MINDY4B: variants seen among roughly 807,000 people sequenced by gnomAD.
MINDY4B encodes the protein MINDY family member 4B.
In MINDY4B, 25 loss-of-function variants were observed where a neutral mutation model predicts 16.7. That is an observed-to-expected ratio of 1.49 (90% CI 1.09 to 2.09). The LOEUF is 2.09. Among genes scored for constraint, MINDY4B ranks in the 30% most tolerant of loss-of-function variants. MINDY4B has a pLI of 0.00. For missense variants in MINDY4B, 327 were observed against 168.4 expected, an observed-to-expected ratio of 1.94 and a Z score of -5.21; for synonymous variants, 132 against 61.9, an observed-to-expected ratio of 2.13 and a Z score of -5.32.
intron 10 of MINDY4B, 136 bp downstream of exon 10, chr3:150,882,761 G>A (rs1451435574): frequency 6.9e-6 from 3 of 431,960 alleles, no homozygotes; most frequent in Non-Finnish European, 1.2e-5. Flanking sequence ...ATGTCTGTGT[G>A]TGGCAGGAGG....
chr3:150,871,675 C>G (rs749858247), intron 11 of MINDY4B, among the ~76,000 whole-genome samples: 3 of 152,066 alleles, frequency 2.0e-5, no homozygotes, highest in Non-Finnish European at 2.9e-5. Context: ...ATGGTGAAAC[C>G]CTGTCTCTAC....
intron 10 of MINDY4B, among the ~76,000 whole-genome samples, chr3:150,880,837 A>G (rs1351633021): frequency 6.6e-6 from 1 of 152,210 alleles, no homozygotes; most frequent in Non-Finnish European, 1.5e-5. Context: ...TCTTATAGCT[A>G]TAGAATGTTA....
intron 3 of MINDY4B, among the ~76,000 whole-genome samples, chr3:150,898,210 C>T (rs1175314254): frequency 2.0e-5 from 3 of 152,118 alleles, no homozygotes; most frequent in Non-Finnish European, 2.9e-5. Flanking sequence ...CATCTTGTGC[C>T]GTATGGAAGA....
intron 10 of MINDY4B, among the ~76,000 whole-genome samples, chr3:150,878,608 C>G (rs1436456088): frequency 2.6e-5 from 4 of 152,166 alleles, no homozygotes; most frequent in African/African-American, 9.7e-5. Flanking sequence ...AGTCACTTTT[C>G]AAAAAGATGG....
chr3:150,890,535 A>C (rs1711771031), intron 6 of MINDY4B, 150 bp from the exon 7 acceptor site: 4 of 490,886 alleles, frequency 8.1e-6, no homozygotes, highest in Non-Finnish European at 1.1e-5. Context: ...ATGCAAGGCC[A>C]TGCAAAACAT....
intron 3 of MINDY4B, among the ~76,000 whole-genome samples, chr3:150,897,480 G>A (rs1712006941): frequency 6.6e-6 from 1 of 152,118 alleles, no homozygotes; most frequent in Non-Finnish European, 1.5e-5. Flanking sequence ...CAAAGAGTGT[G>A]GACAAACGGA....
chr3:150,879,108 G>T (rs1489521473), intron 10 of MINDY4B, among the ~76,000 whole-genome samples: 1 of 152,266 alleles, frequency 6.6e-6, no homozygotes, highest in East Asian at 1.9e-4. Flanking sequence ...TGTTAAAAAC[G>T]AACCGAAAGC....
intron 10 of MINDY4B, among the ~76,000 whole-genome samples, chr3:150,880,698 T>A (rs1280689783): frequency 6.6e-6 from 1 of 152,194 alleles, no homozygotes; most frequent in Non-Finnish European, 1.5e-5. Context: ...TGAAATAATC[T>A]TATGAAAGAG....
chr3:150,890,577 C>T lies in MINDY4B; in HGVS notation c.688-192G>A, dbSNP rs549546398. 8.1e-6 allele frequency: 4 copies of T among 491,458 alleles called. No homozygotes were observed. In the South Asian group the frequency reaches 1.6e-4, roughly 20 times the overall value. 30.4% of individuals were successfully genotyped at this position (491,458 alleles called of 1,614,324 possible). On this transcript the variant is annotated intron_variant, in intron 6 of 11. Coordinates refer to ENST00000465419, the MANE Select transcript of MINDY4B (RefSeq NM_001351281.2). Reference sequence around the variant, plus strand: ...TGCAACTGGGTAGCTACCAGCATCACTTCTACATTCCTCAGTTTAAAATCA... The same window carrying T: ...TGCAACTGGGTAGCTACCAGCATCATTTCTACATTCCTCAGTTTAAAATCA...
intron 3 of MINDY4B, among the ~76,000 whole-genome samples, chr3:150,897,325 G>C (rs1481738851): frequency 3.8e-5 from 4 of 104,874 alleles, no homozygotes; most frequent in Admixed American, 9.8e-5. Flanking sequence ...CTGGAACTGT[G>C]TGTGTGTGTG....
intron 5 of MINDY4B, among the ~76,000 whole-genome samples, chr3:150,892,658 G>C (rs1280608355): frequency 6.6e-6 from 1 of 151,962 alleles, no homozygotes; most frequent in Non-Finnish European, 1.5e-5. Flanking sequence ...TTAAATAGGA[G>C]GATTGGCCGG....
chr3:150,893,451 T>C (rs1711871729), intron 4 of MINDY4B, 36 bp from the exon 5 acceptor site: 3 of 702,594 alleles, frequency 4.3e-6, no homozygotes, highest in Non-Finnish European at 7.8e-6. Context: ...GGTGAAGAAC[T>C]CTTGGAAATT....
intron 9 of MINDY4B, 30 bp downstream of exon 9, chr3:150,883,670 A>G (rs750028844): frequency 1.4e-6 from 1 of 701,872 alleles, no homozygotes; most frequent in Non-Finnish European, 2.6e-6. Context: ...TTCAGATTCT[A>G]CAATAGAAAG....
At chr3:150,898,457 A>C (rs1031776516) in intron 3 of MINDY4B, among the ~76,000 whole-genome samples, 2 of 152,240 alleles carry the variant, frequency 1.3e-5, no homozygotes, top group African/African-American at 4.8e-5. Context: ...GAGGGGCTGC[A>C]GTTCTCTCTG....
At position 150,893,381 on chromosome 3, in the gene MINDY4B, C is replaced by G. The variant is rs1559967861; in HGVS notation, c.464G>C (p.Gly155Ala). ...AAACAACAAGTATTTGATGATGGATCCTTGCACAGCCATCTGAATGCTTCG... is the reference window on the plus strand; with the variant it reads ...AAACAACAAGTATTTGATGATGGATGCTTGCACAGCCATCTGAATGCTTCG... ...GARSIQMAVQ[G>A]SIIKYLLFTR... Residue 155 changes from glycine to alanine, a missense_variant, in exon 5 of 12, where the codon GGA becomes GCA. Physicochemically the swap from Gly to Ala is moderately conservative, Grantham distance 60. Transcript: ENST00000465419. The G allele has an allele frequency of 1.4e-6, 1 of 702,748 alleles. No individual in the cohort carries two copies. Among genetic ancestry groups the G allele is most frequent in the Non-Finnish European group, 2.6e-6 (1 of 384,822 alleles). 43.5% of individuals were successfully genotyped at this position (702,748 alleles called of 1,614,324 possible).
intron 10 of MINDY4B, among the ~76,000 whole-genome samples, chr3:150,880,793 C>T (rs1559964985): frequency 6.6e-6 from 1 of 152,170 alleles, no homozygotes; most frequent in Non-Finnish European, 1.5e-5. Context: ...TATATCACCC[C>T]ATTTTCAAAC....
At chr3:150,876,564 A>G (rs1014200000) in intron 10 of MINDY4B, among the ~76,000 whole-genome samples, 1 of 152,172 alleles carries the variant, frequency 6.6e-6, no homozygotes, top group Non-Finnish European at 1.5e-5. Context: ...TTGTAAAGAC[A>G]AATTAGTTCA....
rs139335158 is a variant in MINDY4B at position 150,898,284 on chromosome 3, T to A, written c.310-3979A>T. ...GCAATAAGAGAGGAAAAGCTGTGTA[T>A]AAATGTGGAAGATTAAGACCGTTGA... On this transcript the variant is annotated intron_variant, in intron 3 of 11. Transcript: ENST00000465419. 8.5e-3 allele frequency among the ~76,000 whole-genome samples: 1,298 copies of A among 152,318 alleles called. 5 individuals carry two copies. The highest frequency in any genetic ancestry group is 0.015 in the Non-Finnish European group (1,000 of 68,018).
intron 10 of MINDY4B, among the ~76,000 whole-genome samples, chr3:150,875,118 T>C (rs1301613699): frequency 6.6e-6 from 1 of 152,224 alleles, no homozygotes; most frequent in Admixed American, 6.5e-5. Context: ...GTCTGCCCAC[T>C]GGTTACATCA....
Sources: gnomAD v4.1 joint callset for allele counts (sites outside exome capture counted in the v4.1 genomes callset) on GRCh38, gnomAD v4.1.1 for gene constraint, MANE v1.5 for transcripts, NCBI Gene and HGNC (gene_info 2026-07-23, HGNC 2026-07-21) for gene names.